Variants in RGS7 observed in about 807,000 individuals in gnomAD.
RGS7 encodes the protein regulator of G-protein signaling 7.
RGS7 carries 27 observed loss-of-function variants against 81.1 expected under a neutral mutation model. That is an observed-to-expected ratio of 0.33 (90% CI 0.25 to 0.46). The LOEUF (loss-of-function observed/expected upper bound fraction) is 0.46. RGS7 is among the 20% of genes least tolerant of loss of function. The probability of loss-of-function intolerance (pLI) is 1.00; values close to 1 mark genes in which losing one functional copy is unlikely to be tolerated. For missense variants in RGS7, 396 were observed against 607.4 expected (o/e 0.65, Z 3.66); for synonymous variants, 208 against 207.7 (o/e 1.00, Z -0.01).
At chr1:240,938,721 C>G (rs933137487) in intron 4 of RGS7, among the ~76,000 whole-genome samples, 5 of 152,078 alleles carry the variant, frequency 3.3e-5, no homozygotes, top group Admixed American at 6.6e-5. Flanking sequence ...AAGACTGTTA[C>G]TAACTGCTCC....
intron 4 of RGS7, among the ~76,000 whole-genome samples, chr1:240,977,762 G>C (rs1397461148): frequency 6.6e-6 from 1 of 152,144 alleles, no homozygotes; most frequent in Non-Finnish European, 1.5e-5. Context: ...ACAACACTTT[G>C]AATCCCATTC....
chr1:241,308,262 C>T (rs866206401), intron 2 of RGS7, among the ~76,000 whole-genome samples: 2 of 152,104 alleles, frequency 1.3e-5, no homozygotes, highest in African/African-American at 2.4e-5. Context: ...AATCAAATCC[C>T]GTACAGTCCA....
At chr1:240,916,734 G>T (rs983185559) in intron 6 of RGS7, among the ~76,000 whole-genome samples, 1 of 152,192 alleles carries the variant, frequency 6.6e-6, no homozygotes, top group Non-Finnish European at 1.5e-5. Flanking sequence ...AGCCTCAAGA[G>T]AAATCAATCC....
intron 2 of RGS7, among the ~76,000 whole-genome samples, chr1:241,243,190 T>C (rs1471173206): frequency 2.0e-5 from 3 of 152,238 alleles, no homozygotes; most frequent in African/African-American, 7.2e-5. Context: ...ATCTTGAACA[T>C]TTCATGTCAC....
At chr1:241,308,684 C>T (rs2080318913) in intron 2 of RGS7, among the ~76,000 whole-genome samples, 1 of 152,132 alleles carries the variant, frequency 6.6e-6, no homozygotes, top group Non-Finnish European at 1.5e-5. Context: ...TTTTCCAGCA[C>T]GCTCTCCAGG....
chr1:241,214,775 G>T (rs2074451424), intron 2 of RGS7, among the ~76,000 whole-genome samples: 1 of 151,888 alleles, frequency 6.6e-6, no homozygotes, highest in Non-Finnish European at 1.5e-5. Context: ...GTTGTGTCTG[G>T]TCTGCTGTTA....
At chr1:240,890,853 G>T (rs1224067449) in intron 6 of RGS7, among the ~76,000 whole-genome samples, 1 of 152,188 alleles carries the variant, frequency 6.6e-6, no homozygotes, top group Non-Finnish European at 1.5e-5. Flanking sequence ...GAAATATTTA[G>T]TACAATCTCT....
At chr1:240,937,374 G>A (rs192644760) in intron 4 of RGS7, among the ~76,000 whole-genome samples, 1 of 152,286 alleles carries the variant, frequency 6.6e-6, no homozygotes, top group Admixed American at 6.5e-5. Flanking sequence ...TAACACTTTA[G>A]AGTACATTCT....
intron 18 of RGS7, among the ~76,000 whole-genome samples, chr1:240,789,891 C>T (rs1685691013): frequency 6.6e-6 from 1 of 152,172 alleles, no homozygotes; most frequent in South Asian, 2.1e-4. Context: ...TACACTCCCT[C>T]CCCTTTTGAA....
Position 241,147,783 on chromosome 1 carries a change from TATATATATA to T in RGS7, c.79-49030_79-49022del, listed in dbSNP as rs1558128696. ...AATATCCCATCTAGATTAAGTTTTATATATATATATATATATATATATATATATATATAT... is the reference window on the plus strand; with the variant it reads ...AATATCCCATCTAGATTAAGTTTTATTATATATATATATATATATATATAT... On this transcript the variant is annotated intron_variant, in intron 2 of 18. Transcript: ENST00000440928. Among the ~76,000 whole-genome samples the T allele has an allele frequency of 5.7e-4, 52 of 90,584 alleles. 2 individuals are homozygous for T. The highest frequency in any genetic ancestry group is 8.6e-4 in the Non-Finnish European group (42 of 48,698). 59.4% of individuals were successfully genotyped at this position (90,584 alleles called of 152,430 possible). A position where few individuals can be genotyped will look rare whatever the true frequency, so the allele number is the denominator to read the frequency against.
chr1:240,902,663 T>C (rs1558440309), intron 6 of RGS7, among the ~76,000 whole-genome samples: 1 of 152,216 alleles, frequency 6.6e-6, no homozygotes, highest in African/African-American at 2.4e-5. Flanking sequence ...CAAATGCAAT[T>C]ACTTGATTCC....
At chr1:241,312,457 A>G (rs996990852) in intron 2 of RGS7, among the ~76,000 whole-genome samples, 1 of 152,168 alleles carries the variant, frequency 6.6e-6, no homozygotes, top group Non-Finnish European at 1.5e-5. Context: ...CTCTGTGTCA[A>G]ATTTTGGTAA....
intron 18 of RGS7, among the ~76,000 whole-genome samples, chr1:240,780,328 TC>T (rs1437048523): frequency 2.0e-5 from 3 of 149,166 alleles, no homozygotes; most frequent in African/African-American, 7.5e-5. Context: ...ACACCTGTAG[TC>T]CCAGCTACTC....
At chr1:241,064,351 C>T (rs1271868876) in intron 3 of RGS7, among the ~76,000 whole-genome samples, 1 of 148,996 alleles carries the variant, frequency 6.7e-6, no homozygotes, top group Non-Finnish European at 1.5e-5. Context: ...TTTGGGAGGC[C>T]GAGGTGGGAG....
chr1:240,887,893 T>C (rs1011552725), intron 6 of RGS7, among the ~76,000 whole-genome samples: 4 of 152,208 alleles, frequency 2.6e-5, no homozygotes, highest in African/African-American at 9.7e-5. Flanking sequence ...AAACGTTGCA[T>C]ACAATTAATC....
At chr1:240,921,562 AG>A (rs1673546075) in intron 6 of RGS7, among the ~76,000 whole-genome samples, 1 of 152,172 alleles carries the variant, frequency 6.6e-6, no homozygotes, top group Non-Finnish European at 1.5e-5. Flanking sequence ...CTTAGAACTA[AG>A]TGATCATAGC....
At chr1:240,846,567 C>T (rs1048889214) in intron 9 of RGS7, among the ~76,000 whole-genome samples, 6 of 152,004 alleles carry the variant, frequency 3.9e-5, no homozygotes, top group Non-Finnish European at 5.9e-5. Context: ...TTATTTTTTC[C>T]ACCACCCTTT....
intron 3 of RGS7, among the ~76,000 whole-genome samples, chr1:241,031,557 G>C (rs1049226475): frequency 1.3e-5 from 2 of 152,242 alleles, no homozygotes; most frequent in African/African-American, 4.8e-5. Context: ...TCTCCATACT[G>C]TTTTCCATAG....
intron 2 of RGS7, among the ~76,000 whole-genome samples, chr1:241,220,546 A>G (rs1349638744): frequency 6.6e-6 from 1 of 152,026 alleles, no homozygotes; most frequent in East Asian, 1.9e-4. Flanking sequence ...TTTTTTTAAG[A>G]AAGAAAATAC....
Sources: gnomAD v4.1 joint callset for allele counts (sites outside exome capture counted in the v4.1 genomes callset) on GRCh38, gnomAD v4.1.1 for gene constraint, MANE v1.5 for transcripts, NCBI Gene and HGNC (gene_info 2026-07-23, HGNC 2026-07-21) for gene names.